PSEN1: variants seen among roughly 807,000 people sequenced by gnomAD.
PSEN1 encodes presenilin 1, also known as presenilin-1.
A neutral mutation model predicts 53.5 loss-of-function variants in PSEN1; 15 were observed. That is an observed-to-expected ratio of 0.28 (90% confidence interval 0.19 to 0.43). The LOEUF (loss-of-function observed/expected upper bound fraction) is 0.43. Ranked by LOEUF, PSEN1 falls within the 20% of genes least tolerant of loss-of-function variation. PSEN1 has a pLI of 1.00. For synonymous variants in PSEN1, 208 were observed against 209.8 expected (o/e 0.99, Z 0.08); for missense variants, 387 against 571.2 (o/e 0.68, Z 3.29).
At chr14:73,149,802 C>T (rs118144727) in intron 3 of PSEN1, among the ~76,000 whole-genome samples, 24 of 152,254 alleles carry the variant, frequency 1.6e-4, no homozygotes, top group East Asian at 9.6e-4. Flanking sequence ...TGTTTAACTT[C>T]GAGTACTATT....
rs201612328 is a variant in PSEN1 at position 73,219,482 on chromosome 14, T to A, written c.*193T>A. 4.7e-6 allele frequency: 3 copies of A among 640,282 alleles called. No individual in the cohort carries two copies. The highest frequency in any genetic ancestry group is 8.3e-6 in the Non-Finnish European group (3 of 361,284). The allele number at this position is 640,282 out of a possible 1,614,324, so 39.7% of individuals were successfully genotyped here. ...GGAAGGAGGTGCCTATAGAAAACGA[T>A]TTTGAACATACTTCATCGCAGTGGA... On this transcript the variant is annotated 3_prime_UTR_variant, in exon 12 of 12. Coordinates refer to ENST00000324501, the MANE Select transcript of PSEN1 (RefSeq NM_000021.4).
chr14:73,211,830 A>G lies in PSEN1; in HGVS notation c.1017A>G (p.Glu339=), dbSNP rs201776669. The G allele has an allele frequency of 3.6e-4, 586 of 1,614,078 alleles. 1 individual carries two copies. The highest frequency in any genetic ancestry group is 3.1e-3 in the Middle Eastern group (19 of 6,062). Reference sequence around the variant, plus strand: ...ATGATGATGGCGGGTTCAGTGAGGAATGGGAAGCCCAGAGGGACAGTCATC... The same window carrying G: ...ATGATGATGGCGGGTTCAGTGAGGAGTGGGAAGCCCAGAGGGACAGTCATC... ...AENDDGGFSE[E]WEAQRDSHLG... is the part of the protein sequence containing the mutation. The change falls in exon 10 of 12, where the codon GAA becomes GAG. Residue 339 remains glutamate (E), a synonymous_variant. Coordinates refer to ENST00000324501, the MANE Select transcript of PSEN1 (RefSeq NM_000021.4).
chr14:73,208,993 AG>A lies in PSEN1; in HGVS notation c.955+2526del. 7.2e-6 allele frequency: 3 copies of A among 416,448 alleles called. 1 individual carries two copies. Among genetic ancestry groups the A allele is most frequent in the South Asian group, 3.4e-5 (2 of 58,162 alleles). The allele number at this position is 416,448 out of a possible 1,614,324, so 25.8% of individuals were successfully genotyped here. On this transcript the variant is annotated intron_variant, in intron 9 of 11. Transcript: ENST00000324501. ...AAAGTCCAGAGGGGGCCAAGGTGGC[AG>A]GGGGCTGGCATGTCAGTGCTGCCCC...
chr14:73,192,893 T>G, intron 7 of PSEN1, 29 bp downstream of exon 7: 1 of 1,532,532 alleles, frequency 6.5e-7, no homozygotes, highest in Non-Finnish European at 9.0e-7. Flanking sequence ...AATTTGTTTG[T>G]CACAGGAATG....
chr14:73,158,032 G>C (rs1897413505), intron 3 of PSEN1, among the ~76,000 whole-genome samples: 1 of 151,692 alleles, frequency 6.6e-6, no homozygotes. Context: ...CTTTCTTTCA[G>C]CATAATTATT....
chr14:73,168,752 T>G (rs2140031402), intron 3 of PSEN1: 1 of 152,446 alleles, frequency 6.6e-6, no homozygotes, highest in South Asian at 2.1e-4. Context: ...TCCTGGACAC[T>G]GGAAGAGAAC....
intron 5 of PSEN1, among the ~76,000 whole-genome samples, chr14:73,181,764 G>A (rs920451223): frequency 2.6e-5 from 4 of 152,072 alleles, no homozygotes; most frequent in Non-Finnish European, 4.4e-5. Context: ...AAAGGGAAAC[G>A]GTTTTATTTT....
chr14:73,151,225 C>G (rs78840950), intron 3 of PSEN1, among the ~76,000 whole-genome samples: 5 of 152,308 alleles, frequency 3.3e-5, no homozygotes, highest in Admixed American at 6.5e-5. Flanking sequence ...TTTGTTTTCT[C>G]TTGTGAATAT....
At position 73,192,798 on chromosome 14, in the gene PSEN1, C is replaced by T; in HGVS notation, c.703C>T (p.Leu235=). The T allele has an allele frequency of 6.2e-7, 1 of 1,614,010 alleles. No homozygotes were observed. The highest frequency in any genetic ancestry group is 1.7e-5 in the Admixed American group (1 of 60,010). ...CATTATGATTAGTGCCCTCATGGCC[C>T]TGGTGTTTATCAAGTACCTCCCTGA... The part of the protein sequence containing the change: ...YLIMISALMA[L]VFIKYLPEWT... Residue 235 remains leucine (L), a synonymous_variant, in exon 7 of 12, where the codon CTG becomes TTG. Transcript: ENST00000324501.
At chr14:73,160,839 G>C (rs369914882) in intron 3 of PSEN1, among the ~76,000 whole-genome samples, 1 of 116,336 alleles carries the variant, frequency 8.6e-6, no homozygotes, top group East Asian at 2.5e-4. Flanking sequence ...ATGGAGTCTC[G>C]CTCTGTCGCC....
chr14:73,146,060 C>T (rs60320273), intron 1 of PSEN1: 11,869 of 151,932 alleles, frequency 0.078, 1,140 homozygotes, highest in African/African-American at 0.23. Context: ...TGAGCGAGAT[C>T]GTGCCACTAC....
At chr14:73,185,344 C>G (rs1445715273) in intron 5 of PSEN1, among the ~76,000 whole-genome samples, 2 of 152,344 alleles carry the variant, frequency 1.3e-5, no homozygotes, top group East Asian at 3.9e-4. Context: ...GAGACTCCGT[C>G]TGCAATCCCG....
At chr14:73,149,647 A>G (rs1224019208) in intron 3 of PSEN1, among the ~76,000 whole-genome samples, 1 of 152,196 alleles carries the variant, frequency 6.6e-6, no homozygotes, top group Admixed American at 6.5e-5. Context: ...GTTTAAAACT[A>G]GAGGTTCTAG....
intron 11 of PSEN1, among the ~76,000 whole-genome samples, chr14:73,218,162 C>T (rs567868905): frequency 7.0e-6 from 1 of 143,616 alleles, no homozygotes; most frequent in South Asian, 2.3e-4. Context: ...CATTAGCTCA[C>T]TGCAACTTCT....
intron 8 of PSEN1, among the ~76,000 whole-genome samples, chr14:73,203,331 A>G (rs557305252): frequency 6.6e-5 from 10 of 150,796 alleles, no homozygotes; most frequent in Non-Finnish European, 1.3e-4. Flanking sequence ...CAGGTGATCT[A>G]CCCGCCTCAC....
chr14:73,181,135 T>G (rs921995372), intron 5 of PSEN1, among the ~76,000 whole-genome samples: 1 of 152,156 alleles, frequency 6.6e-6, no homozygotes, highest in African/African-American at 2.4e-5. Flanking sequence ...ACTATTATTT[T>G]GTCATTTAAA....
At chr14:73,138,250 G>A (rs1594951600) in intron 1 of PSEN1, 1 of 150,104 alleles carries the variant, frequency 6.7e-6, no homozygotes, top group East Asian at 2.0e-4. Flanking sequence ...ACGGAGTCTG[G>A]CTCTGTCGCC....
chr14:73,172,731 T>TA (rs1169687027), intron 4 of PSEN1, among the ~76,000 whole-genome samples: 2 of 152,356 alleles, frequency 1.3e-5, no homozygotes, highest in Admixed American at 1.3e-4. Flanking sequence ...ATAATGCACA[T>TA]ACTTTCTCTC....
intron 5 of PSEN1, among the ~76,000 whole-genome samples, chr14:73,181,223 T>C (rs1847653436): frequency 6.6e-6 from 1 of 152,174 alleles, no homozygotes; most frequent in South Asian, 2.1e-4. Flanking sequence ...GCGGATCACC[T>C]GAGGTCAGAA....
Sources: gnomAD v4.1 joint callset for allele counts (sites outside exome capture counted in the v4.1 genomes callset) on GRCh38, gnomAD v4.1.1 for gene constraint, MANE v1.5 for transcripts, NCBI Gene and HGNC (gene_info 2026-07-23, HGNC 2026-07-21) for gene names.